Variants in CACNA1C observed in about 807,000 individuals in gnomAD.
CACNA1C encodes the protein voltage-dependent L-type calcium channel subunit alpha-1C.
A neutral mutation model predicts 229.0 loss-of-function variants in CACNA1C; 30 were observed. The ratio of observed to expected loss-of-function variants is 0.13; its 90% CI spans 0.10 to 0.18. CACNA1C has a LOEUF of 0.18. CACNA1C is among the 10% of genes least tolerant of loss of function. The pLI, the probability that CACNA1C is intolerant of heterozygous loss-of-function variation, is 1.00. For missense variants in CACNA1C, 1,658 were observed against 2,845.0 expected, an observed-to-expected ratio of 0.58 and a Z score of 9.49; for synonymous variants, 1,114 against 1,132.5, an observed-to-expected ratio of 0.98 and a Z score of 0.33.
At chr12:1,975,274 T>G (rs2033966786) in intron 1 of CACNA1C, among the ~76,000 whole-genome samples, 1 of 152,158 alleles carries the variant, frequency 6.6e-6, no homozygotes, top group Non-Finnish European at 1.5e-5. Context: ...AGGCTATACA[T>G]AAGGTAATTC....
Position 2,691,052 on chromosome 12 carries a change from C to A in CACNA1C, c.6270C>A (p.Pro2090=), listed in dbSNP as rs1060504921. 9 of 1,606,664 alleles carry A rather than the reference C, an allele frequency of 5.6e-6. No homozygotes were observed. The highest frequency in any genetic ancestry group is 7.6e-6 in the Non-Finnish European group (9 of 1,176,860). ...TCAGCGGGGGCGCCCCACAGAGCCC[C>A]AATGGCGCCCTCTTACCCTTTGTGA... is the stretch of plus-strand genomic sequence containing the variant. ...NILSGGAPQS[P]NGALLPFVNC... is the part of the protein sequence containing the mutation. The change falls in exon 47 of 47, where the codon CCC becomes CCA. Residue 2090 remains proline, a synonymous_variant. Coordinates refer to ENST00000399655, the MANE Select transcript of CACNA1C (RefSeq NM_000719.7).
At chr12:2,578,115 G>T (rs375921315) in intron 13 of CACNA1C, among the ~76,000 whole-genome samples, 77 of 152,166 alleles carry the variant, frequency 5.1e-4, no homozygotes, top group African/African-American at 1.8e-3. Flanking sequence ...TGATCCGCCC[G>T]CCTCGGCCTC....
intron 1 of CACNA1C, among the ~76,000 whole-genome samples, chr12:2,060,685 T>C (rs887984041): frequency 4.6e-5 from 7 of 152,232 alleles, no homozygotes; most frequent in South Asian, 2.1e-4. Flanking sequence ...CATAGTGTTG[T>C]GATAATTTCA....
At chr12:2,621,752 T>C (rs2083375207) in intron 29 of CACNA1C, among the ~76,000 whole-genome samples, 1 of 152,188 alleles carries the variant, frequency 6.6e-6, no homozygotes, top group Admixed American at 6.5e-5. Flanking sequence ...GCTCCGGGGT[T>C]CCTGGCTTTC....
intron 34 of CACNA1C, among the ~76,000 whole-genome samples, chr12:2,658,999 G>A (rs2095568760): frequency 6.6e-6 from 1 of 152,098 alleles, no homozygotes; most frequent in Non-Finnish European, 1.5e-5. Context: ...AGTTTATAAA[G>A]TAAAAATGTT....
intron 34 of CACNA1C, 144 bp from the exon 35 acceptor site, chr12:2,664,681 G>T: frequency 1.7e-6 from 1 of 577,422 alleles, no homozygotes; most frequent in Non-Finnish European, 2.9e-6. Context: ...ATATATCAGA[G>T]CATTCAGGGA....
At chr12:2,196,990 A>G (rs2097425159) in intron 3 of CACNA1C, among the ~76,000 whole-genome samples, 1 of 152,182 alleles carries the variant, frequency 6.6e-6, no homozygotes, top group Admixed American at 6.5e-5. Flanking sequence ...CCTGTTAGCC[A>G]CCTGCCTTTT....
At chr12:2,058,848 C>T (rs74364361) in intron 1 of CACNA1C, among the ~76,000 whole-genome samples, 2,428 of 152,296 alleles carry the variant, frequency 0.016, 56 homozygotes, top group African/African-American at 0.046. Flanking sequence ...ATCATTTGAA[C>T]TGAAACCTGG....
chr12:2,611,451 G>A (rs2077727517), intron 28 of CACNA1C, among the ~76,000 whole-genome samples: 1 of 149,828 alleles, frequency 6.7e-6, no homozygotes, highest in African/African-American at 2.5e-5. Flanking sequence ...GGAGAAGGGA[G>A]GGGAGGAGAT....
chr12:2,603,248 A>G (rs2073675723), intron 22 of CACNA1C: 1 of 152,084 alleles, frequency 6.6e-6, no homozygotes, highest in Admixed American at 6.6e-5. Flanking sequence ...AATCCCTTCC[A>G]TTGTGATTCG....
intron 3 of CACNA1C, among the ~76,000 whole-genome samples, chr12:2,167,859 C>G (rs2096302159): frequency 1.3e-5 from 2 of 152,118 alleles, no homozygotes; most frequent in African/African-American, 4.8e-5. Context: ...ACTGTGAAAC[C>G]CAGAAACTCA....
intron 45 of CACNA1C, among the ~76,000 whole-genome samples, chr12:2,686,738 G>T (rs1432608723): frequency 1.3e-5 from 2 of 152,246 alleles, no homozygotes; most frequent in Admixed American, 6.5e-5. Context: ...AGTAGGGAAT[G>T]ACATCCGTGG....
chr12:2,123,544 C>G (rs1172170801), intron 3 of CACNA1C, among the ~76,000 whole-genome samples: 1 of 152,092 alleles, frequency 6.6e-6, no homozygotes, highest in Non-Finnish European at 1.5e-5. Context: ...TTGCCAATAC[C>G]TCAAACAAGC....
chr12:2,312,368 G>C (rs1253988809), intron 3 of CACNA1C, among the ~76,000 whole-genome samples: 3 of 152,150 alleles, frequency 2.0e-5, no homozygotes, highest in Non-Finnish European at 2.9e-5. Context: ...TTCTGTTGTT[G>C]AGACTCTAGT....
chr12:2,550,788 G>T (rs1468333485), intron 10 of CACNA1C: 2 of 749,320 alleles, frequency 2.7e-6, no homozygotes, highest in African/African-American at 1.8e-5. Context: ...CTGAGCTGTG[G>T]AAGAGTCTAA....
chr12:1,985,341 T>C (rs2037396248), intron 1 of CACNA1C, among the ~76,000 whole-genome samples: 1 of 152,234 alleles, frequency 6.6e-6, no homozygotes, highest in Non-Finnish European at 1.5e-5. Context: ...AAAATTTCTA[T>C]TGACCTATCT....
At chr12:2,041,502 T>C (rs2050104652) in intron 1 of CACNA1C, among the ~76,000 whole-genome samples, 1 of 152,058 alleles carries the variant, frequency 6.6e-6, no homozygotes, top group African/African-American at 2.4e-5. Flanking sequence ...GGTCTCGATC[T>C]CCTGACCTCG....
intron 1 of CACNA1C, among the ~76,000 whole-genome samples, chr12:2,026,061 G>C (rs1207870383): frequency 6.6e-6 from 1 of 152,214 alleles, no homozygotes; most frequent in Admixed American, 6.5e-5. Flanking sequence ...AAAGTTTCAT[G>C]GGGGAGCTGG....
intron 5 of CACNA1C, among the ~76,000 whole-genome samples, chr12:2,474,764 AAAAAAAAAGAAAG>A (rs1158778632): frequency 6.6e-6 from 1 of 151,692 alleles, no homozygotes; most frequent in Non-Finnish European, 1.5e-5. Context: ...CTCAAAAAAA[AAAAAAAAAGAAAG>A]AAAGAAAAAG....
Sources: gnomAD v4.1 joint callset for allele counts (sites outside exome capture counted in the v4.1 genomes callset) on GRCh38, gnomAD v4.1.1 for gene constraint, MANE v1.5 for transcripts, NCBI Gene and HGNC (gene_info 2026-07-23, HGNC 2026-07-21) for gene names.